DPP10: variants seen among roughly 807,000 people sequenced by gnomAD.
The protein encoded by DPP10 is inactive dipeptidyl peptidase 10.
DPP10 carries 33 observed loss-of-function variants against 120.9 expected under a neutral mutation model. The observed-to-expected ratio is 0.27, with a 90% CI of 0.21 to 0.37. The LOEUF (loss-of-function observed/expected upper bound fraction) is 0.37, where lower values mean the gene tolerates loss of function less well. DPP10 is among the 10% of genes least tolerant of loss of function. DPP10 has a pLI of 1.00. For missense variants in DPP10, 816 were observed against 942.8 expected, an observed-to-expected ratio of 0.87 and a Z score of 1.76; for synonymous variants, 337 against 326.1, an observed-to-expected ratio of 1.03 and a Z score of -0.36.
intron 1 of DPP10, among the ~76,000 whole-genome samples, chr2:114,654,118 G>T (rs903434372): frequency 1.3e-5 from 2 of 151,986 alleles, no homozygotes; most frequent in African/African-American, 4.8e-5. Context: ...ATCAGGTTTG[G>T]CCAGTTTTAC....
chr2:115,254,153 G>A (rs973745163), intron 1 of DPP10, among the ~76,000 whole-genome samples: 7 of 152,148 alleles, frequency 4.6e-5, no homozygotes, highest in Non-Finnish European at 8.8e-5. Flanking sequence ...TAAGGAAAGA[G>A]GTTTAATTGA....
At chr2:115,391,799 A>G (rs1559533590) in intron 3 of DPP10, among the ~76,000 whole-genome samples, 1 of 152,062 alleles carries the variant, frequency 6.6e-6, no homozygotes, top group Admixed American at 6.6e-5. Flanking sequence ...AAAGTACAAG[A>G]TGAGTTGTGG....
intron 3 of DPP10, among the ~76,000 whole-genome samples, chr2:115,428,230 T>G (rs2070656441): frequency 6.6e-6 from 1 of 152,224 alleles, no homozygotes; most frequent in African/African-American, 2.4e-5. Flanking sequence ...TGTCTTCTTC[T>G]GAACCCTCCA....
In DPP10 at chr2:115,353,019, A is replaced by T. The variant is rs151110203; in HGVS notation, c.271+9107A>T. Among the ~76,000 whole-genome samples, 1,090 of 152,238 alleles carry T rather than the reference A, an allele frequency of 7.2e-3. 12 individuals are homozygous for T. The highest frequency in any genetic ancestry group is 0.022 in the African/African-American group (934 of 41,538). The stretch of plus-strand genomic sequence containing the variant: ...GTACCACTGACATGTTCAAAAAAAA[A>T]ATATAATTATGGTACCCAGAGACTA... On this transcript the variant is annotated intron_variant, in intron 3 of 25. Transcript: ENST00000410059.
chr2:115,752,491 T>A (rs1328658510), intron 10 of DPP10, among the ~76,000 whole-genome samples: 1 of 152,182 alleles, frequency 6.6e-6, no homozygotes, highest in East Asian at 1.9e-4. Flanking sequence ...CCCATCTTCT[T>A]TAATTTGATT....
chr2:114,946,795 A>G (rs930166586), intron 1 of DPP10, among the ~76,000 whole-genome samples: 1 of 151,890 alleles, frequency 6.6e-6, no homozygotes, highest in African/African-American at 2.4e-5. Flanking sequence ...GGATTATTCT[A>G]GCCTCATAGA....
chr2:114,628,536 A>G (rs1484535239), intron 1 of DPP10, among the ~76,000 whole-genome samples: 2 of 152,158 alleles, frequency 1.3e-5, no homozygotes, highest in Admixed American at 6.6e-5. Flanking sequence ...TAAAATAATT[A>G]GCTGGAATTT....
intron 3 of DPP10, among the ~76,000 whole-genome samples, chr2:115,408,582 T>C (rs562225042): frequency 6.6e-6 from 1 of 152,266 alleles, no homozygotes; most frequent in African/African-American, 2.4e-5. Context: ...TTAACAAATG[T>C]CTCAATATAC....
intron 1 of DPP10, among the ~76,000 whole-genome samples, chr2:114,853,910 T>C (rs1689168143): frequency 6.6e-6 from 1 of 152,170 alleles, no homozygotes; most frequent in Non-Finnish European, 1.5e-5. Flanking sequence ...GATGCTGCCT[T>C]CAGCTGTCTG....
intron 1 of DPP10, among the ~76,000 whole-genome samples, chr2:114,916,995 AAGTC>A (rs1431606943): frequency 3.9e-5 from 6 of 152,180 alleles, no homozygotes; most frequent in South Asian, 2.1e-4. Context: ...AAAGAAGTAA[AAGTC>A]ATCCGAATAG....
chr2:114,816,408 G>C (rs116325442), intron 1 of DPP10, among the ~76,000 whole-genome samples: 1 of 152,124 alleles, frequency 6.6e-6, no homozygotes, highest in Non-Finnish European at 1.5e-5. Flanking sequence ...TACACAAATA[G>C]GTGATGGGCT....
At chr2:115,255,428 G>T (rs2058941254) in intron 1 of DPP10, among the ~76,000 whole-genome samples, 1 of 152,140 alleles carries the variant, frequency 6.6e-6, no homozygotes, top group Admixed American at 6.5e-5. Flanking sequence ...CTGCCACAGA[G>T]GTCTCTGACA....
At chr2:115,612,702 C>T (rs2084201553) in intron 5 of DPP10, among the ~76,000 whole-genome samples, 1 of 152,076 alleles carries the variant, frequency 6.6e-6, no homozygotes, top group Non-Finnish European at 1.5e-5. Context: ...GTCTCTGAGC[C>T]TCAGTTCCTT....
chr2:114,519,979 G>A (rs113162245), intron 1 of DPP10, among the ~76,000 whole-genome samples: 2 of 95,646 alleles, frequency 2.1e-5, no homozygotes, highest in Admixed American at 1.1e-4. Flanking sequence ...CCAGTAGCAC[G>A]TATATTTCTG....
intron 1 of DPP10, among the ~76,000 whole-genome samples, chr2:114,881,152 C>G (rs150552972): frequency 1.3e-5 from 2 of 152,138 alleles, no homozygotes; most frequent in East Asian, 3.9e-4. Context: ...TTTTGGCTTC[C>G]AAATTAAACC....
chr2:115,342,146 A>C, intron 2 of DPP10: 1 of 454,960 alleles, frequency 2.2e-6, no homozygotes, highest in South Asian at 1.6e-5. Context: ...CTTCAAACTC[A>C]TTAAGCACTC....
chr2:115,820,162 A>C (rs1235953843), intron 21 of DPP10, among the ~76,000 whole-genome samples: 1 of 152,140 alleles, frequency 6.6e-6, no homozygotes, highest in African/African-American at 2.4e-5. Flanking sequence ...TTTTATGTCA[A>C]ATTGAATGAA....
At chr2:115,433,498 G>T (rs1454258324) in intron 3 of DPP10, among the ~76,000 whole-genome samples, 1 of 151,896 alleles carries the variant, frequency 6.6e-6, no homozygotes, top group Non-Finnish European at 1.5e-5. Flanking sequence ...GGCATACCTA[G>T]ACCTAAACAA....
chr2:115,037,152 C>T (rs1259332462), intron 1 of DPP10, among the ~76,000 whole-genome samples: 2 of 152,098 alleles, frequency 1.3e-5, no homozygotes, highest in Admixed American at 1.3e-4. Flanking sequence ...TTAAAAACAG[C>T]CATTTGGTTA....
Sources: gnomAD v4.1 joint callset for allele counts (sites outside exome capture counted in the v4.1 genomes callset) on GRCh38, gnomAD v4.1.1 for gene constraint, MANE v1.5 for transcripts, NCBI Gene and HGNC (gene_info 2026-07-23, HGNC 2026-07-21) for gene names.